Variants in KLHL2 observed in about 807,000 individuals in gnomAD.
The protein encoded by KLHL2 is kelch like family member 2, also known as kelch-like protein 2.
Under a neutral mutation model 75.8 loss-of-function variants are expected in KLHL2, and 15 were observed. That is an observed-to-expected ratio of 0.20 (90% CI 0.13 to 0.30). The LOEUF is 0.30. Ranked by LOEUF, KLHL2 falls within the 10% of genes least tolerant of loss-of-function variation. KLHL2 has a pLI of 1.00. For synonymous variants in KLHL2, 214 were observed against 251.9 expected, an observed-to-expected ratio of 0.85 and a Z score of 1.42; for missense variants, 381 against 741.0, an observed-to-expected ratio of 0.51 and a Z score of 5.64.
intron 13 of KLHL2, among the ~76,000 whole-genome samples, chr4:165,314,671 A>G (rs1399135845): frequency 6.6e-6 from 1 of 152,178 alleles, no homozygotes; most frequent in Admixed American, 6.5e-5. Flanking sequence ...GGATTTCCAG[A>G]AAAATGGAAA....
At chr4:165,225,691 G>A (rs114792759) in intron 2 of KLHL2, among the ~76,000 whole-genome samples, 12,660 of 152,198 alleles carry the variant, frequency 0.083, 593 homozygotes, top group Middle Eastern at 0.1. Context: ...GCCAGACTCA[G>A]TGTACACACA....
At chr4:165,242,123 A>G (rs1306353044) in intron 4 of KLHL2, among the ~76,000 whole-genome samples, 1 of 152,020 alleles carries the variant, frequency 6.6e-6, no homozygotes, top group Non-Finnish European at 1.5e-5. Flanking sequence ...TTTTAAAGGG[A>G]GATAAAAGGA....
At chr4:165,259,046 T>C (rs1178569301) in intron 4 of KLHL2, among the ~76,000 whole-genome samples, 1 of 152,228 alleles carries the variant, frequency 6.6e-6, no homozygotes, top group Non-Finnish European at 1.5e-5. Context: ...ATTATTGTAT[T>C]ATTGAAATAA....
At position 165,238,002 on chromosome 4, in the gene KLHL2, C is replaced by T. The variant is rs571710884; in HGVS notation, c.260-776C>T. ...TTCCTCCTTCCCTATTTCTTTTCCA[C>T]AAGTGGGTATTAGGAAGAAAGTCTT... On this transcript the variant is annotated intron_variant, in intron 3 of 14. Transcript: ENST00000226725. Among the ~76,000 whole-genome samples, 547 of 152,238 alleles carry T rather than the reference C, an allele frequency of 3.6e-3. 1 individual carries two copies. The highest frequency in any genetic ancestry group is 6.8e-3 in the Middle Eastern group (2 of 294).
chr4:165,216,573 T>C (rs1017897176), intron 1 of KLHL2, among the ~76,000 whole-genome samples: 7 of 152,220 alleles, frequency 4.6e-5, no homozygotes, highest in Non-Finnish European at 1.0e-4. Context: ...TAATTCTTCA[T>C]TTAATGTGGT....
At chr4:165,234,701 G>A (rs1420967992) in intron 3 of KLHL2, among the ~76,000 whole-genome samples, 2 of 145,040 alleles carry the variant, frequency 1.4e-5, no homozygotes, top group African/African-American at 2.6e-5. Context: ...TGCAGCCTCC[G>A]TCTCCCGGTT....
intron 5 of KLHL2, among the ~76,000 whole-genome samples, chr4:165,275,963 A>T (rs1472270520): frequency 3.7e-5 from 5 of 136,302 alleles, no homozygotes; most frequent in African/African-American, 1.4e-4. Flanking sequence ...TCTACTAAAA[A>T]TACCAAAAAA....
chr4:165,240,496 G>A (rs1041827693), intron 4 of KLHL2: 9 of 151,730 alleles, frequency 5.9e-5, no homozygotes, highest in African/African-American at 1.7e-4. Flanking sequence ...GGTCAATATT[G>A]GGGTTGTTTC....
intron 2 of KLHL2, among the ~76,000 whole-genome samples, chr4:165,227,722 C>T (rs1345146074): frequency 3.3e-5 from 5 of 152,118 alleles, no homozygotes; most frequent in South Asian, 4.1e-4. Flanking sequence ...GCATCAGCAA[C>T]GTTTTCTGTT....
intron 1 of KLHL2, among the ~76,000 whole-genome samples, chr4:165,215,017 T>C (rs1371096585): frequency 6.6e-6 from 1 of 152,136 alleles, no homozygotes; most frequent in Non-Finnish European, 1.5e-5. Flanking sequence ...TACATGTCTA[T>C]AGGGCAAATG....
intron 5 of KLHL2, among the ~76,000 whole-genome samples, chr4:165,266,079 G>A (rs535939143): frequency 3.3e-5 from 5 of 152,310 alleles, no homozygotes; most frequent in Non-Finnish European, 7.3e-5. Flanking sequence ...CAGTGATCAT[G>A]AGCATTTTTT....
At chr4:165,288,891 T>A (rs1038338884) in intron 5 of KLHL2, among the ~76,000 whole-genome samples, 3 of 151,730 alleles carry the variant, frequency 2.0e-5, no homozygotes, top group African/African-American at 7.3e-5. Context: ...AGGGAAGGAA[T>A]GTTCATGTTA....
intron 5 of KLHL2, among the ~76,000 whole-genome samples, chr4:165,264,407 A>C (rs1741977987): frequency 6.6e-6 from 1 of 151,538 alleles, no homozygotes; most frequent in Non-Finnish European, 1.5e-5. Flanking sequence ...CATGTCCATT[A>C]TACCACTCTG....
At chr4:165,271,603 T>C (rs1334410508) in intron 5 of KLHL2, among the ~76,000 whole-genome samples, 2 of 151,176 alleles carry the variant, frequency 1.3e-5, no homozygotes, top group African/African-American at 4.9e-5. Context: ...CAAACAGAGA[T>C]AGTTTGACTT....
At chr4:165,221,568 G>A (rs576777896) in intron 2 of KLHL2, among the ~76,000 whole-genome samples, 2 of 152,280 alleles carry the variant, frequency 1.3e-5, no homozygotes, top group South Asian at 4.1e-4. Flanking sequence ...TTGGACTGAG[G>A]TCCTGAAATT....
intron 2 of KLHL2, among the ~76,000 whole-genome samples, chr4:165,227,385 TG>T (rs1288664064): frequency 7.2e-5 from 11 of 152,202 alleles, no homozygotes; most frequent in African/African-American, 2.7e-4. Flanking sequence ...CAAAAAGTTT[TG>T]GCATGAACTT....
intron 5 of KLHL2, among the ~76,000 whole-genome samples, chr4:165,263,805 GTTTTTT>G (rs55901119): frequency 0.013 from 869 of 66,488 alleles, 3 homozygotes; most frequent in African/African-American, 0.048. Flanking sequence ...TTTTTACATT[GTTTTTT>G]TTTTTTTTTT....
chr4:165,302,017 T>C (rs1745388640), intron 8 of KLHL2, among the ~76,000 whole-genome samples: 2 of 152,218 alleles, frequency 1.3e-5, no homozygotes, highest in Non-Finnish European at 2.9e-5. Context: ...GGAGTAGGAC[T>C]CCTATAGCTG....
intron 1 of KLHL2, among the ~76,000 whole-genome samples, chr4:165,218,729 T>C (rs567148386): frequency 6.6e-5 from 10 of 152,252 alleles, no homozygotes; most frequent in Non-Finnish European, 1.0e-4. Flanking sequence ...CTAAAAACAA[T>C]TGCTGAATGA....
Sources: gnomAD v4.1 joint callset for allele counts (sites outside exome capture counted in the v4.1 genomes callset) on GRCh38, gnomAD v4.1.1 for gene constraint, MANE v1.5 for transcripts, NCBI Gene and HGNC (gene_info 2026-07-23, HGNC 2026-07-21) for gene names.